RSRC1: variants seen among roughly 807,000 people sequenced by gnomAD.
RSRC1 encodes serine/Arginine-related protein 53.
Under a neutral mutation model 49.1 loss-of-function variants are expected in RSRC1, and 39 were observed. That is an observed-to-expected ratio of 0.79 (90% CI 0.61 to 1.04). RSRC1 has a LOEUF of 1.04. Among genes scored for constraint, RSRC1 ranks in the 50% least tolerant of loss-of-function variants. The pLI, the probability that RSRC1 is intolerant of heterozygous loss-of-function variation, is 0.00. For synonymous variants in RSRC1, 143 were observed against 130.8 expected, an observed-to-expected ratio of 1.09 and a Z score of -0.63; for missense variants, 388 against 402.4, an observed-to-expected ratio of 0.96 and a Z score of 0.31.
At chr3:158,522,470 TG>T (rs939321053) in intron 7 of RSRC1, among the ~76,000 whole-genome samples, 2 of 152,130 alleles carry the variant, frequency 1.3e-5, no homozygotes, top group Non-Finnish European at 2.9e-5. Context: ...TGCATCCAGC[TG>T]TACCCTACTT....
chr3:158,445,969 G>C (rs978940959), intron 6 of RSRC1, among the ~76,000 whole-genome samples: 4 of 151,946 alleles, frequency 2.6e-5, no homozygotes, highest in Non-Finnish European at 5.9e-5. Flanking sequence ...ATATTCAGCC[G>C]TCAGTCTGTT....
chr3:158,485,815 G>A lies in RSRC1; in HGVS notation c.652+24812G>A, dbSNP rs573752643. 2.2e-4 allele frequency among the ~76,000 whole-genome samples: 33 copies of A among 152,020 alleles called. 1 individual carries two copies. The highest frequency in any genetic ancestry group is 4.1e-4 in the South Asian group (2 of 4,820). The stretch of plus-strand genomic sequence containing the variant: ...TGATTTTCACTGACTTCCAGTTTTC[G>A]TTTAGACATTTTCCTCTAAAACAAT... On this transcript the variant is annotated intron_variant, in intron 7 of 9. Coordinates refer to ENST00000611884, the MANE Select transcript of RSRC1 (RefSeq NM_001271838.2).
At chr3:158,482,550 G>A (rs990772871) in intron 7 of RSRC1, among the ~76,000 whole-genome samples, 3 of 151,958 alleles carry the variant, frequency 2.0e-5, no homozygotes, top group African/African-American at 7.2e-5. Flanking sequence ...CAGGAGAATG[G>A]ACAAGAAGAC....
At chr3:158,312,785 C>G (rs1273581735) in intron 5 of RSRC1, among the ~76,000 whole-genome samples, 1 of 152,042 alleles carries the variant, frequency 6.6e-6, no homozygotes, top group Non-Finnish European at 1.5e-5. Context: ...TTCTCAAAAC[C>G]ATGTCTTCCT....
chr3:158,256,889 T>C (rs1437020584), intron 4 of RSRC1, among the ~76,000 whole-genome samples: 1 of 152,194 alleles, frequency 6.6e-6, no homozygotes, highest in Non-Finnish European at 1.5e-5. Flanking sequence ...TGATGGTAGT[T>C]TGTACTTCTG....
intron 4 of RSRC1, among the ~76,000 whole-genome samples, chr3:158,235,967 T>A (rs1039953452): frequency 6.6e-6 from 1 of 151,988 alleles, no homozygotes; most frequent in African/African-American, 2.4e-5. Flanking sequence ...AATATAAAAA[T>A]TAGCCGGGTA....
intron 3 of RSRC1, among the ~76,000 whole-genome samples, chr3:158,147,243 A>G (rs1282444342): frequency 1.4e-5 from 2 of 147,800 alleles, no homozygotes; most frequent in African/African-American, 5.0e-5. Flanking sequence ...TGCCATTATT[A>G]TTTTTTTCCA....
intron 8 of RSRC1, 86 bp from the exon 9 acceptor site, chr3:158,543,249 C>A: frequency 8.3e-7 from 1 of 1,205,510 alleles, no homozygotes; most frequent in Non-Finnish European, 1.1e-6. Context: ...ACTAATTGAA[C>A]AGTTGTTATT....
chr3:158,293,486 T>G (rs1427749342), intron 4 of RSRC1, among the ~76,000 whole-genome samples: 1 of 152,086 alleles, frequency 6.6e-6, no homozygotes, highest in Non-Finnish European at 1.5e-5. Context: ...CATTGCTGGA[T>G]TTTGGTTTTT....
intron 3 of RSRC1, among the ~76,000 whole-genome samples, chr3:158,137,382 TATATA>T (rs1372559563): frequency 7.0e-6 from 1 of 143,610 alleles, no homozygotes; most frequent in Non-Finnish European, 1.5e-5. Context: ...TTTATGGAGA[TATATA>T]ATACTGACCC....
At chr3:158,395,605 T>C (rs918490599) in intron 6 of RSRC1, among the ~76,000 whole-genome samples, 6 of 152,070 alleles carry the variant, frequency 3.9e-5, no homozygotes, top group Non-Finnish European at 5.9e-5. Flanking sequence ...GCTAGAGATA[T>C]GCAAACCAAA....
intron 4 of RSRC1, among the ~76,000 whole-genome samples, chr3:158,287,096 G>C (rs1246490185): frequency 6.6e-6 from 1 of 152,200 alleles, no homozygotes; most frequent in East Asian, 1.9e-4. Flanking sequence ...AAAGTGCTGG[G>C]ATTACAGGCG....
intron 5 of RSRC1, among the ~76,000 whole-genome samples, chr3:158,348,002 C>T (rs1730652662): frequency 6.6e-6 from 1 of 152,166 alleles, no homozygotes; most frequent in African/African-American, 2.4e-5. Flanking sequence ...GTATCCATCC[C>T]CTCAAGCATT....
At chr3:158,321,947 AAATT>A (rs1183780850) in intron 5 of RSRC1, among the ~76,000 whole-genome samples, 4 of 149,676 alleles carry the variant, frequency 2.7e-5, no homozygotes, top group South Asian at 2.1e-4. Flanking sequence ...TCTTTTAAAG[AAATT>A]AAGAGAAGAA....
At chr3:158,180,450 T>TGTGTG (rs1559931927) in intron 3 of RSRC1, among the ~76,000 whole-genome samples, 5 of 51,474 alleles carry the variant, frequency 9.7e-5, no homozygotes, top group African/African-American at 3.9e-4. Flanking sequence ...GTGTGTGTGT[T>TGTGTG]TATGTGTCTG....
At chr3:158,439,346 T>C (rs1265854173) in intron 6 of RSRC1, among the ~76,000 whole-genome samples, 1 of 152,154 alleles carries the variant, frequency 6.6e-6, no homozygotes, top group Non-Finnish European at 1.5e-5. Flanking sequence ...ATCATGCTGC[T>C]ATAAAGACAC....
chr3:158,179,220 A>G (rs78850608), intron 3 of RSRC1, among the ~76,000 whole-genome samples: 2 of 152,352 alleles, frequency 1.3e-5, no homozygotes, highest in East Asian at 1.9e-4. Flanking sequence ...ATGCAGGTAG[A>G]TGAAATAATA....
chr3:158,358,434 C>G (rs6441190), intron 6 of RSRC1, among the ~76,000 whole-genome samples: 11,208 of 152,134 alleles, frequency 0.074, 1,419 homozygotes, highest in African/African-American at 0.26. Context: ...TGCTTCAATT[C>G]TATTACTTCT....
chr3:158,529,783 G>T (rs538477237), intron 7 of RSRC1, among the ~76,000 whole-genome samples: 1 of 151,908 alleles, frequency 6.6e-6, no homozygotes, highest in Non-Finnish European at 1.5e-5. Flanking sequence ...GGTTTCTACC[G>T]CCTAACTGTC....
Sources: gnomAD v4.1 joint callset for allele counts (sites outside exome capture counted in the v4.1 genomes callset) on GRCh38, gnomAD v4.1.1 for gene constraint, MANE v1.5 for transcripts, NCBI Gene and HGNC (gene_info 2026-07-23, HGNC 2026-07-21) for gene names.